The following STK39 variants were observed in gnomAD, a reference collection of about 807,000 sequenced individuals.
The protein encoded by STK39 is serine/threonine kinase 39.
A neutral mutation model predicts 77.8 loss-of-function variants in STK39; 20 were observed. The ratio of observed to expected loss-of-function variants is 0.26; its 90% CI spans 0.18 to 0.37. The LOEUF (loss-of-function observed/expected upper bound fraction) is 0.37, where lower values mean the gene tolerates loss of function less well. Ranked by LOEUF, STK39 falls within the 10% of genes least tolerant of loss-of-function variation. The probability of loss-of-function intolerance (pLI) is 1.00; values close to 1 mark genes in which losing one functional copy is unlikely to be tolerated. For synonymous variants in STK39, 246 were observed against 234.1 expected, an observed-to-expected ratio of 1.05 and a Z score of -0.47; for missense variants, 479 against 656.5, an observed-to-expected ratio of 0.73 and a Z score of 2.95.
At chr2:168,208,667 T>C (rs1017921446) in intron 1 of STK39, among the ~76,000 whole-genome samples, 3 of 152,206 alleles carry the variant, frequency 2.0e-5, no homozygotes, top group Non-Finnish European at 4.4e-5. Context: ...AATGTCTCCT[T>C]CTTGAGCACA....
At chr2:167,996,976 C>T (rs1235382628) in intron 16 of STK39, among the ~76,000 whole-genome samples, 1 of 150,994 alleles carries the variant, frequency 6.6e-6, no homozygotes, top group Non-Finnish European at 1.5e-5. Flanking sequence ...TGGAAGCACG[C>T]AGAAAACTAA....
intron 10 of STK39, among the ~76,000 whole-genome samples, chr2:168,106,310 T>C (rs1051852997): frequency 7.2e-5 from 11 of 152,182 alleles, no homozygotes; most frequent in African/African-American, 2.2e-4. Flanking sequence ...ATCTACCTTA[T>C]AGGGATTCTG....
At chr2:168,064,239 G>C (rs916921356) in intron 13 of STK39, among the ~76,000 whole-genome samples, 1 of 152,150 alleles carries the variant, frequency 6.6e-6, no homozygotes, top group African/African-American at 2.4e-5. Flanking sequence ...AGATGAAAGT[G>C]AGTCATAAAA....
chr2:167,962,815 A>G (rs572727127), intron 17 of STK39, among the ~76,000 whole-genome samples: 1 of 152,336 alleles, frequency 6.6e-6, no homozygotes, highest in African/African-American at 2.4e-5. Flanking sequence ...GAGCGTGGGC[A>G]CTGAGGCTAG....
At chr2:168,230,617 T>C (rs977304312) in intron 1 of STK39, among the ~76,000 whole-genome samples, 2 of 152,210 alleles carry the variant, frequency 1.3e-5, no homozygotes, top group Non-Finnish European at 1.5e-5. Context: ...TGGGATGCTT[T>C]GTTACACAGC....
chr2:168,087,864 A>G (rs1296326361), intron 10 of STK39, among the ~76,000 whole-genome samples: 3 of 152,246 alleles, frequency 2.0e-5, no homozygotes, highest in African/African-American at 7.2e-5. Flanking sequence ...AAAGGACAAA[A>G]AATGAAAACT....
At chr2:168,101,777 C>A (rs761691954) in intron 10 of STK39, among the ~76,000 whole-genome samples, 1 of 152,084 alleles carries the variant, frequency 6.6e-6, no homozygotes, top group African/African-American at 2.4e-5. Context: ...AAAATATATA[C>A]ATTTTTATTG....
intron 14 of STK39, among the ~76,000 whole-genome samples, chr2:168,062,781 C>A (rs1316108819): frequency 6.6e-6 from 1 of 152,154 alleles, no homozygotes. Flanking sequence ...TGTATAACTT[C>A]TTTTAAAACA....
Position 168,129,146 on chromosome 2 carries a change from C to A in STK39, c.1089+395G>T, listed in dbSNP as rs182734165. On this transcript the variant is annotated intron_variant, in intron 10 of 17. Coordinates refer to ENST00000355999, the MANE Select transcript of STK39 (RefSeq NM_013233.3). ...GAATGCTATCTCACAGCTATTCAAA[C>A]CATTAAAAGTTGTGTTTTTTATCTT... Among the ~76,000 whole-genome samples the A allele has an allele frequency of 1.1e-3, 169 of 152,272 alleles. 1 individual carries two copies. Among genetic ancestry groups the A allele is most frequent in the African/African-American group, 3.8e-3 (156 of 41,544 alleles).
chr2:168,078,109 G>C (rs1041912095), intron 10 of STK39, among the ~76,000 whole-genome samples: 1 of 152,114 alleles, frequency 6.6e-6, no homozygotes, highest in Non-Finnish European at 1.5e-5. Context: ...AAAATCCATT[G>C]CTTCTCAGAG....
intron 16 of STK39, among the ~76,000 whole-genome samples, chr2:167,986,103 T>C (rs1399899048): frequency 6.6e-6 from 1 of 152,206 alleles, no homozygotes; most frequent in Non-Finnish European, 1.5e-5. Flanking sequence ...CAGTGATTTA[T>C]TAGAAATTCC....
At chr2:167,999,451 ATTTAT>A (rs979794700) in intron 16 of STK39, among the ~76,000 whole-genome samples, 2 of 152,018 alleles carry the variant, frequency 1.3e-5, no homozygotes, top group African/African-American at 2.4e-5. Flanking sequence ...GAGATGCTTT[ATTTAT>A]TTTATTTTAT....
rs1690963758 is a variant in STK39, at chr2:168,247,444, G to A, written c.-9C>T. ...CCGCTCGGCTCCGCCATGATGCTGC[G>A]GAGGAGAGCAGGAGGACGCGCCGGC... On this transcript the variant is annotated 5_prime_UTR_variant, in exon 1 of 18. Transcript: ENST00000355999. 2 of 1,299,060 alleles carry A rather than the reference G, an allele frequency of 1.5e-6. No individual in the cohort carries two copies. The highest frequency in any genetic ancestry group is 1.5e-5 in the African/African-American group (1 of 65,038). The allele number at this position is 1,299,060 out of a possible 1,614,324, so 80.5% of individuals were successfully genotyped here. A position where few individuals can be genotyped will look rare whatever the true frequency, so the allele number is the denominator to read the frequency against.
intron 10 of STK39, among the ~76,000 whole-genome samples, chr2:168,101,244 A>G (rs192424137): frequency 1.4e-4 from 22 of 152,256 alleles, no homozygotes; most frequent in Admixed American, 1.4e-3. Flanking sequence ...ATTAGGAGAA[A>G]TACCTAATGT....
chr2:168,047,696 G>C (rs1368640429), intron 14 of STK39, among the ~76,000 whole-genome samples: 1 of 152,134 alleles, frequency 6.6e-6, no homozygotes, highest in East Asian at 1.9e-4. Flanking sequence ...AAACTTATGG[G>C]GACAGGAGAC....
intron 14 of STK39, among the ~76,000 whole-genome samples, chr2:168,056,338 G>A (rs1012082218): frequency 1.3e-5 from 2 of 152,104 alleles, no homozygotes; most frequent in African/African-American, 4.8e-5. Context: ...GAGCTTCCGG[G>A]GGGAGGGGGA....
chr2:168,240,041 G>T (rs920165182), intron 1 of STK39, among the ~76,000 whole-genome samples: 1 of 152,126 alleles, frequency 6.6e-6, no homozygotes, highest in African/African-American at 2.4e-5. Flanking sequence ...CTTCAATAAG[G>T]GCAATATTTA....
chr2:168,193,532 C>T (rs567851151), intron 1 of STK39, among the ~76,000 whole-genome samples: 8 of 152,330 alleles, frequency 5.3e-5, no homozygotes, highest in South Asian at 2.1e-4. Context: ...TGCTAAGCCC[C>T]GGTGGAAGCA....
intron 10 of STK39, among the ~76,000 whole-genome samples, chr2:168,115,601 G>A (rs1167417151): frequency 6.6e-6 from 1 of 152,184 alleles, no homozygotes; most frequent in Non-Finnish European, 1.5e-5. Context: ...CATTCTTGCA[G>A]AATTTCATGC....
Sources: gnomAD v4.1 joint callset for allele counts (sites outside exome capture counted in the v4.1 genomes callset) on GRCh38, gnomAD v4.1.1 for gene constraint, MANE v1.5 for transcripts, NCBI Gene and HGNC (gene_info 2026-07-23, HGNC 2026-07-21) for gene names.